The following TRPM3 variants were observed in gnomAD, a reference collection of about 807,000 sequenced individuals.
The protein encoded by TRPM3 is long transient receptor potential channel 3.
In TRPM3, 77 loss-of-function variants were observed where a neutral mutation model predicts 181.2. The ratio of observed to expected loss-of-function variants is 0.42; its 90% CI spans 0.35 to 0.51. TRPM3 has a LOEUF of 0.51. TRPM3 is among the 20% of genes least tolerant of loss of function. The pLI, the probability that TRPM3 is intolerant of heterozygous loss-of-function variation, is 0.01. For missense variants in TRPM3, 1,759 were observed against 2,196.7 expected (o/e 0.80, Z 3.98); for synonymous variants, 745 against 796.4 (o/e 0.94, Z 1.09).
At chr9:70,962,644 C>A (rs2097148094) in intron 1 of TRPM3, among the ~76,000 whole-genome samples, 1 of 152,146 alleles carries the variant, frequency 6.6e-6, no homozygotes, top group Admixed American at 6.6e-5. Context: ...ACTATGTTTT[C>A]TTTTATTCAT....
chr9:70,744,836 T>C (rs1336901086), intron 8 of TRPM3, among the ~76,000 whole-genome samples: 2 of 152,170 alleles, frequency 1.3e-5, no homozygotes, highest in African/African-American at 4.8e-5. Flanking sequence ...AACTTGATCA[T>C]ACTTAATAAT....
chr9:71,026,778 A>G (rs2056585103), intron 1 of TRPM3, among the ~76,000 whole-genome samples: 1 of 152,162 alleles, frequency 6.6e-6, no homozygotes, highest in African/African-American at 2.4e-5. Flanking sequence ...GTGAATGTGC[A>G]CAGAGGGAGC....
intron 1 of TRPM3, among the ~76,000 whole-genome samples, chr9:71,044,683 G>A (rs1001658546): frequency 2.0e-5 from 3 of 151,642 alleles, no homozygotes; most frequent in Non-Finnish European, 4.4e-5. Context: ...ATTTTTTTTC[G>A]TTTTTTGAGA....
intron 1 of TRPM3, among the ~76,000 whole-genome samples, chr9:71,247,192 A>G (rs986624169): frequency 1.3e-5 from 2 of 152,006 alleles, no homozygotes; most frequent in Non-Finnish European, 2.9e-5. Flanking sequence ...TGTCTGTACT[A>G]AAAATACATT....
At chr9:71,026,602 C>T (rs568985446) in intron 1 of TRPM3, among the ~76,000 whole-genome samples, 1 of 152,290 alleles carries the variant, frequency 6.6e-6, no homozygotes, top group African/African-American at 2.4e-5. Flanking sequence ...CGTAAATGAA[C>T]CCCACCATTC....
intron 1 of TRPM3, among the ~76,000 whole-genome samples, chr9:70,924,700 CG>C (rs1381968575): frequency 6.6e-6 from 1 of 152,078 alleles, no homozygotes; most frequent in East Asian, 1.9e-4. Context: ...CATATTTTTG[CG>C]CTAAGCTAAA....
intron 6 of TRPM3, chr9:70,793,470 AT>A (rs879286745): frequency 0.33 from 35,807 of 108,422 alleles, 5,447 homozygotes; most frequent in Non-Finnish European, 0.4. Context: ...AAAAAAAAAA[AT>A]ATATATATAT....
intron 1 of TRPM3, among the ~76,000 whole-genome samples, chr9:71,039,502 G>C (rs1224640068): frequency 6.6e-6 from 1 of 152,094 alleles, no homozygotes. Context: ...GCCAGAGATG[G>C]AAAATGTACA....
chr9:71,285,463 C>G (rs924757726), intron 1 of TRPM3, among the ~76,000 whole-genome samples: 2 of 152,144 alleles, frequency 1.3e-5, no homozygotes, highest in African/African-American at 4.8e-5. Flanking sequence ...TGCCTATTAG[C>G]TCGAACTGTT....
rs755165917 is a variant in TRPM3, at chr9:71,352,408, G to A, written c.183+94245C>T. Among the ~76,000 whole-genome samples, 83 of 152,150 alleles carry A rather than the reference G, an allele frequency of 5.5e-4. 1 individual carries two copies. The highest frequency in any genetic ancestry group is 8.3e-4 in the South Asian group (4 of 4,824). The stretch of plus-strand genomic sequence containing the variant: ...AACTTATTTTTCCCTGGAAAGAATA[G>A]CACAGAGATGTCACTGAGGTTATTG... On this transcript the variant is annotated intron_variant, in intron 1 of 24. Coordinates refer to the TRPM3 transcript ENST00000357533.
intron 1 of TRPM3, among the ~76,000 whole-genome samples, chr9:71,377,714 G>A (rs575253150): frequency 6.6e-6 from 1 of 151,882 alleles, no homozygotes; most frequent in East Asian, 1.9e-4. Context: ...TTTAGTATGT[G>A]AACACACCAA....
At chr9:70,960,341 G>T (rs141451712) in intron 1 of TRPM3, among the ~76,000 whole-genome samples, 218 of 152,238 alleles carry the variant, frequency 1.4e-3, no homozygotes, top group African/African-American at 4.4e-3. Flanking sequence ...CCTTCTGGCT[G>T]CCTCCAGGTG....
chr9:71,003,691 C>A (rs1478475414), intron 1 of TRPM3, among the ~76,000 whole-genome samples: 1 of 152,128 alleles, frequency 6.6e-6, no homozygotes, highest in South Asian at 2.1e-4. Context: ...GAATAAAGTT[C>A]GGTATCGTTT....
At chr9:71,303,313 C>T (rs1240259753) in intron 1 of TRPM3, among the ~76,000 whole-genome samples, 1 of 152,196 alleles carries the variant, frequency 6.6e-6, no homozygotes, top group Non-Finnish European at 1.5e-5. Context: ...AATGGAAGCT[C>T]AACACCAAGT....
intron 8 of TRPM3, among the ~76,000 whole-genome samples, chr9:70,686,686 T>TTTCCTTCCTTCCTTCCTTCTTTCCTTCC (rs2066917770): frequency 1.7e-5 from 1 of 58,866 alleles, no homozygotes; most frequent in African/African-American, 6.9e-5. Context: ...TCCTTCCTTC[T>TTTCCTTCCTTCCTTCCTTCTTTCCTTCC]TTCCTTCCTT....
intron 1 of TRPM3, among the ~76,000 whole-genome samples, chr9:71,375,440 A>AT (rs1334576479): frequency 6.6e-6 from 1 of 152,202 alleles, no homozygotes; most frequent in East Asian, 1.9e-4. Context: ...AATCGAGGCA[A>AT]TATCATTCAG....
chr9:71,361,909 C>A (rs562865485), intron 1 of TRPM3, among the ~76,000 whole-genome samples: 20 of 151,878 alleles, frequency 1.3e-4, no homozygotes, highest in Non-Finnish European at 2.4e-4. Flanking sequence ...TTTAAACCTG[C>A]AATCCAATGG....
chr9:70,650,898 G>A (rs915250300), intron 9 of TRPM3, among the ~76,000 whole-genome samples: 4 of 152,182 alleles, frequency 2.6e-5, no homozygotes, highest in Admixed American at 1.3e-4. Flanking sequence ...CAGCTTTTAA[G>A]TATTTCTTCA....
At chr9:71,126,934 G>C (rs1281068277) in intron 1 of TRPM3, among the ~76,000 whole-genome samples, 1 of 151,966 alleles carries the variant, frequency 6.6e-6, no homozygotes, top group Non-Finnish European at 1.5e-5. Context: ...TCCAAGTCAA[G>C]TTTTTCTCCC....
Sources: allele counts gnomAD v4.1 joint callset (sites outside exome capture counted in the v4.1 genomes callset), GRCh38; gene constraint gnomAD v4.1.1; transcripts MANE v1.5; gene names NCBI Gene and HGNC (gene_info 2026-07-23, HGNC 2026-07-21).